The following ENPP6 variants were observed in gnomAD, a reference collection of about 807,000 sequenced individuals.
The protein encoded by ENPP6 is glycerophosphocholine cholinephosphodiesterase ENPP6.
ENPP6 carries 32 observed loss-of-function variants against 42.0 expected under a neutral mutation model. The ratio of observed to expected loss-of-function variants is 0.76; its 90% CI spans 0.58 to 1.02. The LOEUF (loss-of-function observed/expected upper bound fraction) is 1.02, where lower values mean the gene tolerates loss of function less well. ENPP6 is among the 50% of genes least tolerant of loss of function. The pLI, the probability that ENPP6 is intolerant of heterozygous loss-of-function variation, is 0.00. For synonymous variants in ENPP6, 213 were observed against 216.0 expected (o/e 0.99, Z 0.12); for missense variants, 552 against 566.8 (o/e 0.97, Z 0.27).
At chr4:184,108,824 T>A (rs1184788497) in intron 6 of ENPP6, among the ~76,000 whole-genome samples, 1 of 152,258 alleles carries the variant, frequency 6.6e-6, no homozygotes, top group Non-Finnish European at 1.5e-5. Context: ...GTAAGTTATG[T>A]TAATGGAACT....
chr4:184,092,366 T>C (rs1483422312), intron 7 of ENPP6, among the ~76,000 whole-genome samples: 2 of 152,150 alleles, frequency 1.3e-5, no homozygotes, highest in Admixed American at 6.5e-5. Context: ...CAAACTGGTA[T>C]CTGAATCAGG....
intron 1 of ENPP6, among the ~76,000 whole-genome samples, chr4:184,162,086 C>T (rs541913677): frequency 1.3e-5 from 2 of 152,016 alleles, no homozygotes; most frequent in Non-Finnish European, 2.9e-5. Flanking sequence ...AACTGCCCCC[C>T]TCCCCGCATG....
chr4:184,143,709 C>T (rs910553095), intron 2 of ENPP6, among the ~76,000 whole-genome samples: 5 of 152,148 alleles, frequency 3.3e-5, no homozygotes, highest in South Asian at 2.1e-4. Flanking sequence ...CAGCCCAGTG[C>T]GGGGTCTGCA....
At chr4:184,206,371 C>T (rs1732998603) in intron 1 of ENPP6, among the ~76,000 whole-genome samples, 1 of 113,242 alleles carries the variant, frequency 8.8e-6, no homozygotes, top group South Asian at 3.0e-4. Context: ...CATTCTCCTG[C>T]CTCAGCCTCC....
chr4:184,134,480 C>T (rs28788183), intron 2 of ENPP6, among the ~76,000 whole-genome samples: 1 of 151,864 alleles, frequency 6.6e-6, no homozygotes, highest in African/African-American at 2.4e-5. Flanking sequence ...TTTCCCCTAG[C>T]AATCTGTCTG....
At chr4:184,126,101 A>T (rs553036599) in intron 2 of ENPP6, among the ~76,000 whole-genome samples, 1 of 152,320 alleles carries the variant, frequency 6.6e-6, no homozygotes, top group South Asian at 2.1e-4. Context: ...ATGCAGTATG[A>T]CCATGGTTTT....
intron 6 of ENPP6, among the ~76,000 whole-genome samples, chr4:184,108,163 C>G (rs1284972961): frequency 2.0e-5 from 3 of 152,134 alleles, no homozygotes; most frequent in African/African-American, 7.2e-5. Context: ...GGACAGGACT[C>G]TAGTGGCTGT....
intron 3 of ENPP6, among the ~76,000 whole-genome samples, chr4:184,118,923 G>T (rs762841363): frequency 2.6e-5 from 4 of 152,226 alleles, no homozygotes; most frequent in Non-Finnish European, 5.9e-5. Context: ...GGACACCTGA[G>T]TCTCCCATCA....
chr4:184,202,559 C>T (rs1732920711), intron 1 of ENPP6, among the ~76,000 whole-genome samples: 1 of 152,218 alleles, frequency 6.6e-6, no homozygotes, highest in Non-Finnish European at 1.5e-5. Context: ...GGGCTCAGCA[C>T]CCCTCCTTCT....
chr4:184,147,455 T>A (rs1292786449), intron 2 of ENPP6, among the ~76,000 whole-genome samples: 1 of 152,204 alleles, frequency 6.6e-6, no homozygotes, highest in African/African-American at 2.4e-5. Context: ...CCTTAAAACC[T>A]TCCAGTGACT....
intron 2 of ENPP6, among the ~76,000 whole-genome samples, chr4:184,145,095 C>T (rs557776961): frequency 2.0e-5 from 3 of 152,338 alleles, no homozygotes; most frequent in African/African-American, 4.8e-5. Context: ...GGCCTTCCCG[C>T]ATTCATGCGC....
At chr4:184,121,296 T>C (rs1321406563) in intron 3 of ENPP6, among the ~76,000 whole-genome samples, 2 of 152,218 alleles carry the variant, frequency 1.3e-5, no homozygotes, top group African/African-American at 4.8e-5. Context: ...TGAATCAAAC[T>C]TGGGCGAGGG....
chr4:184,176,858 G>T (rs2111097188), intron 1 of ENPP6, among the ~76,000 whole-genome samples: 1 of 152,310 alleles, frequency 6.6e-6, no homozygotes, highest in East Asian at 1.9e-4. Flanking sequence ...GGGAACCTGG[G>T]CCTTGGCCTT....
In ENPP6 at chr4:184,148,778, C is replaced by T. The variant is rs143780126; in HGVS notation, c.421+4776G>A. Among the ~76,000 whole-genome samples the T allele has an allele frequency of 1.1e-3, 162 of 152,302 alleles. 1 individual carries two copies. In the Middle Eastern group the frequency reaches 0.014, roughly 13 times the overall value. Reference sequence around the variant, plus strand: ...AGTTGATACTTTGATGAGTTTTTAACACATTTCTATTGCATTAAAAAACCA... The same window carrying T: ...AGTTGATACTTTGATGAGTTTTTAATACATTTCTATTGCATTAAAAAACCA... On this transcript the variant is annotated intron_variant, in intron 2 of 7. Coordinates refer to ENST00000296741, the MANE Select transcript of ENPP6 (RefSeq NM_153343.4).
chr4:184,167,517 C>T (rs1737371142), intron 1 of ENPP6, among the ~76,000 whole-genome samples: 1 of 152,160 alleles, frequency 6.6e-6, no homozygotes, highest in South Asian at 2.1e-4. Context: ...GAACCCAGCT[C>T]TTAAGGAGTG....
intron 2 of ENPP6, among the ~76,000 whole-genome samples, chr4:184,148,423 C>G (rs1424680511): frequency 2.0e-5 from 3 of 152,176 alleles, no homozygotes; most frequent in Non-Finnish European, 4.4e-5. Flanking sequence ...TGTGGTTAGA[C>G]AGCTATAAAA....
chr4:184,145,544 T>A (rs1736904061), intron 2 of ENPP6, among the ~76,000 whole-genome samples: 1 of 152,234 alleles, frequency 6.6e-6, no homozygotes, highest in African/African-American at 2.4e-5. Context: ...TTGACACACC[T>A]GGCTACATAA....
intron 2 of ENPP6, among the ~76,000 whole-genome samples, chr4:184,138,504 G>C (rs191341969): frequency 2.0e-5 from 3 of 151,732 alleles, no homozygotes; most frequent in African/African-American, 7.3e-5. Context: ...TGAACCATCT[G>C]TCTGGTGCTA....
chr4:184,182,675 C>G (rs1200388041), intron 1 of ENPP6, among the ~76,000 whole-genome samples: 1 of 152,054 alleles, frequency 6.6e-6, no homozygotes, highest in Non-Finnish European at 1.5e-5. Context: ...ACTATGCAAC[C>G]ATAAAAAAGA....
Sources: gnomAD v4.1 joint callset for allele counts (sites outside exome capture counted in the v4.1 genomes callset) on GRCh38, gnomAD v4.1.1 for gene constraint, MANE v1.5 for transcripts, NCBI Gene and HGNC (gene_info 2026-07-23, HGNC 2026-07-21) for gene names.